Variants in OSBPL1A observed in about 807,000 individuals in gnomAD.
The protein encoded by OSBPL1A is oxysterol-binding protein-related protein 1.
Under a neutral mutation model 137.1 loss-of-function variants are expected in OSBPL1A, and 80 were observed. The ratio of observed to expected loss-of-function variants is 0.58; its 90% CI spans 0.49 to 0.70. The LOEUF is 0.70. Among genes scored for constraint, OSBPL1A ranks in the 30% least tolerant of loss-of-function variants. The probability of loss-of-function intolerance (pLI) is 0.00; values close to 1 mark genes in which losing one functional copy is unlikely to be tolerated. For missense variants in OSBPL1A, 970 were observed against 1,129.4 expected (o/e 0.86, Z 2.02); for synonymous variants, 365 against 389.7 (o/e 0.94, Z 0.75).
At chr18:24,219,356 C>G (rs1011887839) in intron 17 of OSBPL1A, among the ~76,000 whole-genome samples, 1 of 152,004 alleles carries the variant, frequency 6.6e-6, no homozygotes, top group Non-Finnish European at 1.5e-5. Flanking sequence ...AAGTTGGGCA[C>G]ATGGTAAATG....
At chr18:24,185,976 A>G (rs2086736884) in intron 18 of OSBPL1A, among the ~76,000 whole-genome samples, 1 of 152,100 alleles carries the variant, frequency 6.6e-6, no homozygotes. Context: ...GCCGAGGCAG[A>G]AGGCTTGCTT....
chr18:24,282,101 T>C (rs1792944874), intron 14 of OSBPL1A, among the ~76,000 whole-genome samples: 2 of 145,356 alleles, frequency 1.4e-5, no homozygotes, highest in African/African-American at 2.5e-5. Context: ...CCCGAGTCCA[T>C]GGAAAAACTG....
chr18:24,265,893 C>T (rs1199489951), intron 15 of OSBPL1A, among the ~76,000 whole-genome samples: 2 of 152,208 alleles, frequency 1.3e-5, no homozygotes, highest in Admixed American at 6.5e-5. Flanking sequence ...TGCTTCCCAT[C>T]GGGGTTTCTC....
rs1044303301 is a variant in OSBPL1A at position 24,250,547 on chromosome 18, T to C, written c.1282-11165A>G. On this transcript the variant is annotated intron_variant, in intron 15 of 27. Coordinates refer to ENST00000319481, the MANE Select transcript of OSBPL1A (RefSeq NM_080597.4). ...TGCCTAGAAGGAAAGGACCCAGTCC[T>C]GGCAGCATTTATCACCTGCTAACTG... Among the ~76,000 whole-genome samples the C allele has an allele frequency of 6.6e-5, 10 of 152,210 alleles. No homozygotes were observed. The East Asian group carries it at 1.5e-3, about 23-fold the overall frequency.
intron 16 of OSBPL1A, 27 bp from the exon 17 acceptor site, chr18:24,225,225 T>C (rs200909226): frequency 2.5e-5 from 40 of 1,612,868 alleles, no homozygotes; most frequent in African/African-American, 8.0e-5. Flanking sequence ...TCATAGTTAA[T>C]GAATTGAACT....
At chr18:24,274,008 C>A (rs1300494411) in intron 15 of OSBPL1A, among the ~76,000 whole-genome samples, 2 of 152,052 alleles carry the variant, frequency 1.3e-5, no homozygotes, top group African/African-American at 4.8e-5. Context: ...CCGAGGCAGG[C>A]AGATCACTTG....
intron 5 of OSBPL1A, among the ~76,000 whole-genome samples, chr18:24,338,945 C>G (rs1383865708): frequency 6.6e-6 from 1 of 152,084 alleles, no homozygotes; most frequent in Non-Finnish European, 1.5e-5. Flanking sequence ...AACTTGTGAC[C>G]TCGTGATCCA....
intron 5 of OSBPL1A, among the ~76,000 whole-genome samples, chr18:24,334,608 C>T (rs376381497): frequency 3.9e-5 from 6 of 152,194 alleles, no homozygotes; most frequent in African/African-American, 1.4e-4. Context: ...TGTACCGAAA[C>T]ACTATTACAT....
chr18:24,394,976 T>C (rs1015521316), intron 1 of OSBPL1A, among the ~76,000 whole-genome samples: 14 of 152,220 alleles, frequency 9.2e-5, no homozygotes, highest in African/African-American at 3.1e-4. Context: ...AACACAGAAT[T>C]AGTGGCAGAG....
chr18:24,333,173 C>G (rs2091115030), intron 6 of OSBPL1A, 87 bp from the exon 7 acceptor site: 4 of 1,444,566 alleles, frequency 2.8e-6, no homozygotes, highest in Non-Finnish European at 3.8e-6. Context: ...TCAGCAGAGC[C>G]CGAAGAATAG....
In OSBPL1A at chr18:24,164,431, T is replaced by G. The variant is rs1421176172; in HGVS notation, c.2750+634A>C. Among the ~76,000 whole-genome samples the G allele has an allele frequency of 1.1e-3, 149 of 136,028 alleles. 2 individuals carry two copies. The highest frequency in any genetic ancestry group is 1.3e-3 in the South Asian group (5 of 3,976). The allele number at this position is 136,028 out of a possible 152,430, so 89.2% of individuals were successfully genotyped here. On this transcript the variant is annotated intron_variant, in intron 27 of 27. Coordinates refer to ENST00000319481, the MANE Select transcript of OSBPL1A (RefSeq NM_080597.4). Reference sequence around the variant, plus strand: ...TATGGAGATTTTTGGTTTTTTTTTTTTTTTTTTTTTTTTTTGAGACGGAGT... The same window carrying G: ...TATGGAGATTTTTGGTTTTTTTTTTGTTTTTTTTTTTTTTTGAGACGGAGT...
At chr18:24,195,146 A>C (rs1409928458) in intron 18 of OSBPL1A, among the ~76,000 whole-genome samples, 1 of 151,868 alleles carries the variant, frequency 6.6e-6, no homozygotes, top group African/African-American at 2.4e-5. Flanking sequence ...TAAAAATACA[A>C]AAAAATTAGC....
chr18:24,293,819 T>C (rs891735632), intron 14 of OSBPL1A, among the ~76,000 whole-genome samples: 4 of 152,250 alleles, frequency 2.6e-5, no homozygotes, highest in African/African-American at 7.2e-5. Flanking sequence ...CCACTGGATG[T>C]TTCCAGCAAA....
intron 15 of OSBPL1A, among the ~76,000 whole-genome samples, chr18:24,256,399 A>G (rs2089276404): frequency 6.6e-6 from 1 of 152,204 alleles, no homozygotes; most frequent in African/African-American, 2.4e-5. Context: ...GATGCTGAAA[A>G]TGTATTTGAT....
intron 4 of OSBPL1A, among the ~76,000 whole-genome samples, chr18:24,345,899 T>A (rs2091338846): frequency 6.6e-6 from 1 of 152,198 alleles, no homozygotes; most frequent in African/African-American, 2.4e-5. Flanking sequence ...TGGTCTCTTG[T>A]TCATTGCTAT....
Position 24,233,582 on chromosome 18 carries a change from A to G in OSBPL1A, c.1444+5638T>C, listed in dbSNP as rs969830335. On this transcript the variant is annotated intron_variant, in intron 16 of 27. Transcript: ENST00000319481. ...AGAGAACTCTGATTCTGTGCTACGT[A>G]CTTCAGGGATGTAAACAGATATGGT... is the stretch of plus-strand genomic sequence containing the variant. Among the ~76,000 whole-genome samples, 4 of 152,178 alleles carry G rather than the reference A, an allele frequency of 2.6e-5. No homozygotes were observed. In the East Asian group the frequency reaches 7.7e-4, roughly 29 times the overall value.
chr18:24,271,363 T>G lies in OSBPL1A; in HGVS notation c.1281+9479A>C, dbSNP rs1014030591. Among the ~76,000 whole-genome samples, 2 of 152,178 alleles carry G rather than the reference T, an allele frequency of 1.3e-5. No homozygotes were observed. The highest frequency in any genetic ancestry group is 4.8e-5 in the African/African-American group (2 of 41,456). ...CTGAGAAACACATCAGTCCACGGGC[T>G]TTTTCCCCAGGGGCTCTTCCTGCAG... On this transcript the variant is annotated intron_variant, in intron 15 of 27. Coordinates refer to ENST00000319481, the MANE Select transcript of OSBPL1A (RefSeq NM_080597.4). This position sits in a 1 kb window ranked among gnomAD's most constrained non-coding sequence, Gnocchi z 4.0.
At chr18:24,292,979 G>A (rs1200070785) in intron 14 of OSBPL1A, among the ~76,000 whole-genome samples, 6 of 151,452 alleles carry the variant, frequency 4.0e-5, no homozygotes, top group East Asian at 3.9e-4. Flanking sequence ...GGTGGCTCGC[G>A]CCTGTGGTCC....
At chr18:24,217,416 C>A (rs912550348) in intron 17 of OSBPL1A, among the ~76,000 whole-genome samples, 1 of 152,032 alleles carries the variant, frequency 6.6e-6, no homozygotes, top group Admixed American at 6.6e-5. Context: ...CGCCACCACG[C>A]CCAGCTAATT....
Sources: gnomAD v4.1 joint callset for allele counts (sites outside exome capture counted in the v4.1 genomes callset) on GRCh38, gnomAD v4.1.1 for gene constraint, Gnocchi (gnomAD v3.1) non-coding constraint, MANE v1.5 for transcripts, NCBI Gene and HGNC (gene_info 2026-07-23, HGNC 2026-07-21) for gene names.